Variants in MED13 observed in about 807,000 individuals in gnomAD.
MED13 encodes mediator of RNA polymerase II transcription subunit 13.
MED13 carries 23 observed loss-of-function variants against 225.2 expected under a neutral mutation model. The observed-to-expected ratio is 0.10, with a 90% CI of 0.07 to 0.14. The LOEUF is 0.14. MED13 is among the 10% of genes least tolerant of loss of function. The probability of loss-of-function intolerance (pLI) is 1.00; values close to 1 mark genes in which losing one functional copy is unlikely to be tolerated. For synonymous variants in MED13, 942 were observed against 889.2 expected, an observed-to-expected ratio of 1.06 and a Z score of -1.06; for missense variants, 2,197 against 2,594.5, an observed-to-expected ratio of 0.85 and a Z score of 3.33.
chr17:61,952,032 G>A (rs1462557674), intron 27 of MED13, among the ~76,000 whole-genome samples: 1 of 152,022 alleles, frequency 6.6e-6, no homozygotes, highest in Non-Finnish European at 1.5e-5. Flanking sequence ...TGAGTAGCTG[G>A]GAGTACAGAC....
At chr17:61,991,141 C>G (rs2080294869) in intron 11 of MED13, among the ~76,000 whole-genome samples, 1 of 152,104 alleles carries the variant, frequency 6.6e-6, no homozygotes, top group African/African-American at 2.4e-5. Flanking sequence ...TTTTTTGAGA[C>G]AGAGTCTCGC....
At chr17:62,014,310 T>TTATATATATATATATA (rs79817498) in intron 8 of MED13, among the ~76,000 whole-genome samples, 110 of 143,106 alleles carry the variant, frequency 7.7e-4, no homozygotes, top group African/African-American at 2.8e-3. Flanking sequence ...GTATATGTTT[T>TTATATATATATATATA]TATATATATA....
intron 23 of MED13, among the ~76,000 whole-genome samples, chr17:61,957,574 T>G (rs1018523866): frequency 1.4e-4 from 21 of 152,040 alleles, no homozygotes; most frequent in African/African-American, 5.1e-4. Context: ...GGTCTAGAAC[T>G]CCTGACCTCG....
At chr17:61,963,060 C>T in intron 20 of MED13, 89 bp from the exon 21 acceptor site, 2 of 1,050,928 alleles carry the variant, frequency 1.9e-6, no homozygotes, top group Non-Finnish European at 1.4e-6. Context: ...CCCCTCCTCC[C>T]TCTTTTTTGG....
chr17:62,034,624 C>T (rs1447761978), intron 4 of MED13, among the ~76,000 whole-genome samples: 1 of 151,646 alleles, frequency 6.6e-6, no homozygotes, highest in African/African-American at 2.4e-5. Flanking sequence ...TGAGGAAAAA[C>T]AATATAGATA....
At chr17:61,953,235 G>T in intron 26 of MED13, 122 bp from the exon 27 acceptor site, 1 of 948,268 alleles carries the variant, frequency 1.1e-6, no homozygotes. Context: ...AACATTTACT[G>T]AGTGTCTACC....
rs774537749 is a variant in MED13 at position 61,982,839 on chromosome 17, T to C, written c.3164A>G (p.Asn1055Ser). 1 of 1,614,170 alleles carries C rather than the reference T, an allele frequency of 6.2e-7. No homozygotes were observed. The highest frequency in any genetic ancestry group is 1.1e-5 in the South Asian group (1 of 91,074). ...ASTPSTCRPL[N>S]SVEPATVPSI... ...AGGGACAGTTGCAGGTTCAACAGAA[T>C]TAAGGGGTCTGCATGTAGATGGGGT... Residue 1055 changes from asparagine (N) to serine (S), a missense_variant, in exon 16 of 30, where the codon AAT becomes AGT. Around this residue, in one of 12 missense-constraint regions of MED13, gnomAD observed 99 missense variants for 158.5 expected, o/e 0.62. Transcript: ENST00000397786.
intron 11 of MED13, among the ~76,000 whole-genome samples, chr17:61,988,155 C>T (rs1196523783): frequency 1.3e-5 from 2 of 152,064 alleles, no homozygotes; most frequent in East Asian, 1.9e-4. Flanking sequence ...AACAGTATGA[C>T]CCTCGACAAA....
intron 3 of MED13, among the ~76,000 whole-genome samples, chr17:62,048,063 T>TAC (rs2143741159): frequency 7.3e-6 from 1 of 137,260 alleles, no homozygotes; most frequent in African/African-American, 3.0e-5. Flanking sequence ...TATATATATA[T>TAC]GTATATATGT....
intron 2 of MED13, among the ~76,000 whole-genome samples, chr17:62,060,932 C>G (rs1332561092): frequency 1.3e-5 from 2 of 151,966 alleles, no homozygotes; most frequent in East Asian, 1.9e-4. Context: ...TCTCCTGACC[C>G]TGCGATCTGC....
At position 61,984,831 on chromosome 17, in the gene MED13, T is replaced by C. The variant is rs1382254271; in HGVS notation, c.2511A>G (p.Pro837=). 3 of 1,613,114 alleles carry C rather than the reference T, an allele frequency of 1.9e-6. No individual in the cohort carries two copies. Among genetic ancestry groups the C allele is most frequent in the Admixed American group, 3.3e-5 (2 of 59,944 alleles). ...CCATAATATGTTGTTCCAATGATGG[T>C]GGTGTAGGATACATTTTATGAAGAT... The part of the protein sequence containing the change: ...TADLHKMYPT[P]PSLEQHIMGF... The change falls in exon 14 of 30, where the codon CCA becomes CCG. Residue 837 remains proline, a synonymous_variant. Transcript: ENST00000397786.
chr17:62,055,449 T>G (rs1603410151), intron 2 of MED13, among the ~76,000 whole-genome samples: 1 of 152,312 alleles, frequency 6.6e-6, no homozygotes, highest in Non-Finnish European at 1.5e-5. Flanking sequence ...TTATAAATTT[T>G]CACATGAAAT....
At chr17:61,963,905 A>C (rs903585516) in intron 20 of MED13, among the ~76,000 whole-genome samples, 16 of 152,222 alleles carry the variant, frequency 1.1e-4, no homozygotes, top group African/African-American at 3.6e-4. Context: ...CATTCTTGTC[A>C]CTATAAATAA....
At position 61,955,826 on chromosome 17, in the gene MED13, A is replaced by G. The variant is rs2079938434; in HGVS notation, c.5636T>C (p.Leu1879Ser). 1.6e-5 allele frequency: 26 copies of G among 1,585,180 alleles called. No homozygotes were observed. Among genetic ancestry groups the G allele is most frequent in the Non-Finnish European group, 2.1e-5 (25 of 1,170,008 alleles). ...GHGELKDWSC[L>S]LSRRNLQSLS... ...AGACTGCAAGTTTCGACGACTCAGC[A>G]AACAGCTCCAATCTGTGGGTATCAA... Residue 1879 changes from leucine (L) to serine (S), a missense_variant, in exon 25 of 30, where the codon TTG (leucine) becomes TCG (serine). Physicochemically the swap from Leu to Ser is moderately radical, Grantham distance 145. This residue lies in a region of MED13 where 216 missense variants were observed against 388.9 expected (regional missense o/e 0.56). Transcript: ENST00000397786.
Position 61,960,927 on chromosome 17 carries a change from C to A in MED13, c.5420G>T (p.Cys1807Phe). 6.2e-7 allele frequency: 1 copy of A among 1,613,710 alleles called. No individual in the cohort carries two copies. The highest frequency in any genetic ancestry group is 8.5e-7 in the Non-Finnish European group (1 of 1,179,886). Residue 1807 changes from cysteine to phenylalanine, a missense_variant, in exon 23 of 30, where the codon TGC becomes TTC. Physicochemically the swap from Cys to Phe is radical, Grantham distance 205. Transcript: ENST00000397786. ...SHDQRWILAS[C>F]TDLYGELLET... is the part of the protein sequence containing the mutation. ...TAAAAGTTCTCCATATAGATCTGTG[C>A]AAGATGCAAGAATCCACCTTTGATC...
At chr17:62,019,921 T>C (rs1263303096) in intron 8 of MED13, among the ~76,000 whole-genome samples, 1 of 151,918 alleles carries the variant, frequency 6.6e-6, no homozygotes, top group East Asian at 1.9e-4. Context: ...TTTTTTTGTA[T>C]TTTTAGTAGA....
chr17:61,966,407 G>A, intron 19 of MED13, 55 bp downstream of exon 19: 3 of 1,351,448 alleles, frequency 2.2e-6, no homozygotes, highest in Admixed American at 2.3e-5. Context: ...ACAGCTGGTG[G>A]AGCAGGCCAC....
chr17:61,989,838 T>C (rs2080279951), intron 11 of MED13, among the ~76,000 whole-genome samples: 1 of 152,260 alleles, frequency 6.6e-6, no homozygotes, highest in Non-Finnish European at 1.5e-5. Context: ...AAGACTGCTT[T>C]AGCCATTCAG....
chr17:62,033,781 C>T lies in MED13; in HGVS notation c.814+6G>A, dbSNP rs748955750. 1 of 1,613,098 alleles carries T rather than the reference C, an allele frequency of 6.2e-7. No homozygotes were observed. The highest frequency in any genetic ancestry group is 8.5e-7 in the Non-Finnish European group (1 of 1,179,330). On this transcript the variant is annotated splice_donor_region_variant and intron_variant, in intron 5 of 29. Coordinates refer to ENST00000397786, the MANE Select transcript of MED13 (RefSeq NM_005121.3). The stretch of plus-strand genomic sequence containing the variant: ...TCCCCTTAGGAATAATACTCAGGAT[C>T]CATACCAACAAGAACTTCTACTGCA...
Sources: gnomAD v4.1 joint callset for allele counts (sites outside exome capture counted in the v4.1 genomes callset) on GRCh38, gnomAD v4.1.1 for gene constraint, gnomAD v4.1.1 regional missense constraint, MANE v1.5 for transcripts, NCBI Gene and HGNC (gene_info 2026-07-23, HGNC 2026-07-21) for gene names.